The following DIDO1 variants were observed in gnomAD, a reference collection of about 807,000 sequenced individuals.
The protein encoded by DIDO1 is death-inducer obliterator 1.
Under a neutral mutation model 99.4 loss-of-function variants are expected in DIDO1, and 16 were observed. The ratio of observed to expected loss-of-function variants is 0.16; its 90% CI spans 0.11 to 0.24. DIDO1 has a LOEUF of 0.24. Ranked by LOEUF, DIDO1 falls within the 10% of genes least tolerant of loss-of-function variation. The probability of loss-of-function intolerance (pLI) is 1.00; values close to 1 mark genes in which losing one functional copy is unlikely to be tolerated. For synonymous variants in DIDO1, 1,366 were observed against 1,239.1 expected, an observed-to-expected ratio of 1.10 and a Z score of -2.15; for missense variants, 2,996 against 3,014.0, an observed-to-expected ratio of 0.99 and a Z score of 0.14.
At chr20:62,925,880 G>A (rs2065242550) in intron 1 of DIDO1, among the ~76,000 whole-genome samples, 1 of 152,216 alleles carries the variant, frequency 6.6e-6, no homozygotes, top group Non-Finnish European at 1.5e-5. Flanking sequence ...TCAGAAAAGC[G>A]AATCCGGGCT....
In DIDO1 at chr20:62,881,895, A is replaced by G; in HGVS notation, c.4061T>C (p.Val1354Ala). 1 of 1,613,380 alleles carries G rather than the reference A, an allele frequency of 6.2e-7. No individual in the cohort carries two copies. The highest frequency in any genetic ancestry group is 8.5e-7 in the Non-Finnish European group (1 of 1,180,022). ...CGGATCTAACAACGGAGGTGCCGGC[A>G]CCCCGTCCTCTGCTGTGGTTTTGGG... Reference protein sequence around the residue: ...QEPKTTAEDGVPAPPLLDPIV... With the variant: ...QEPKTTAEDGAPAPPLLDPIV... The change falls in exon 16 of 16, where the codon GTG becomes GCG. Residue 1354 changes from valine to alanine, a missense_variant. By Grantham distance (64) the Val-to-Ala change is moderately conservative (BLOSUM62 0). Around this residue, in one of 5 missense-constraint regions of DIDO1, gnomAD observed 1,562 missense variants for 1,412.6 expected, o/e 1.11. Transcript: ENST00000395343. This position sits in a 1 kb window ranked among gnomAD's most constrained non-coding sequence, Gnocchi z 8.3.
exon 1 of DIDO1, chr20:62,937,796 C>T (rs537715263): frequency 2.6e-4 from 103 of 398,384 alleles, no homozygotes; most frequent in African/African-American, 2.1e-3. Flanking sequence ...AAGCTGGGAC[C>T]TTCGCCTCCG....
At chr20:62,899,436 G>GT (rs1196869032) in intron 6 of DIDO1, among the ~76,000 whole-genome samples, 4 of 152,116 alleles carry the variant, frequency 2.6e-5, no homozygotes, top group East Asian at 2.0e-4. Flanking sequence ...TCTCCAGATC[G>GT]TAAGTGTTGG....
chr20:62,903,334 T>G (rs2064726169), intron 6 of DIDO1, among the ~76,000 whole-genome samples: 1 of 151,920 alleles, frequency 6.6e-6, no homozygotes. Flanking sequence ...GACAGGAGGG[T>G]GCCTAGGTGC....
intron 4 of DIDO1, among the ~76,000 whole-genome samples, chr20:62,908,332 C>T (rs2064851936): frequency 6.6e-6 from 1 of 152,146 alleles, no homozygotes; most frequent in Non-Finnish European, 1.5e-5. Flanking sequence ...AAGGGAATCC[C>T]CTGCCAAGCC....
chr20:62,889,220 C>T lies in DIDO1; in HGVS notation c.3541+1740G>A, dbSNP rs184743325. On this transcript the variant is annotated intron_variant, in intron 15 of 15. Transcript: ENST00000395343. ...GAGGTGCTGGGAGACCTGTCCTTTC[C>T]CTCTGCCCCGGGGCTGCACCTGCAC... 212 of 985,568 alleles carry T rather than the reference C, an allele frequency of 2.2e-4. No individual in the cohort carries two copies. The African/African-American group carries it at 3.5e-3, about 16-fold the overall frequency. The allele number at this position is 985,568 out of a possible 1,614,324, so 61.1% of individuals were successfully genotyped here.
At chr20:62,924,655 C>T (rs777810567) in intron 1 of DIDO1, among the ~76,000 whole-genome samples, 3 of 152,192 alleles carry the variant, frequency 2.0e-5, no homozygotes, top group Non-Finnish European at 4.4e-5. Flanking sequence ...ACCCCAGCAC[C>T]CTCCAAGGCC....
chr20:62,924,229 T>C (rs1047255643), intron 1 of DIDO1, among the ~76,000 whole-genome samples: 1 of 152,072 alleles, frequency 6.6e-6, no homozygotes, highest in African/African-American at 2.4e-5. Flanking sequence ...GAAATGTAAG[T>C]GAGAGACTCT....
chr20:62,936,989 G>A (rs2065394747), intron 1 of DIDO1, among the ~76,000 whole-genome samples: 1 of 152,258 alleles, frequency 6.6e-6, no homozygotes. Flanking sequence ...TATACCTGCA[G>A]ATTTAGCTCT....
At position 62,894,785 on chromosome 20, in the gene DIDO1, A is replaced by T; in HGVS notation, c.2436+25T>A. 6.3e-7 allele frequency: 1 copy of T among 1,599,142 alleles called. No individual in the cohort carries two copies. Among genetic ancestry groups the T allele is most frequent in the Non-Finnish European group, 8.5e-7 (1 of 1,174,062 alleles). The stretch of plus-strand genomic sequence containing the variant: ...GGGATGGATTAGTCTATTCTCGGTG[A>T]ACACAAAATCTCCCAAATGCTTACC... On this transcript the variant is annotated intron_variant, in intron 10 of 15. Coordinates refer to ENST00000395343, the MANE Select transcript of DIDO1 (RefSeq NM_001193369.2). The surrounding 1 kb of genome is among the most constrained non-coding windows in gnomAD (Gnocchi z 4.4).
intron 1 of DIDO1, among the ~76,000 whole-genome samples, chr20:62,936,812 C>T (rs1326424195): frequency 6.6e-6 from 1 of 152,196 alleles, no homozygotes; most frequent in Non-Finnish European, 1.5e-5. Context: ...TGCAGTGAGC[C>T]GAGATGGCGC....
chr20:62,890,380 T>A (rs1397103730), intron 15 of DIDO1: 1 of 986,964 alleles, frequency 1.0e-6, no homozygotes, highest in African/African-American at 1.7e-5. Flanking sequence ...TTTAGGCTAT[T>A]TGTAAATAAT....
intron 1 of DIDO1, among the ~76,000 whole-genome samples, chr20:62,918,907 A>G (rs1358417889): frequency 6.6e-6 from 1 of 152,168 alleles, no homozygotes; most frequent in Non-Finnish European, 1.5e-5. Flanking sequence ...AGATTACCCA[A>G]TGAAAGACTC....
intron 1 of DIDO1, among the ~76,000 whole-genome samples, chr20:62,917,271 T>C (rs1051781051): frequency 3.3e-5 from 5 of 152,116 alleles, no homozygotes; most frequent in Non-Finnish European, 7.4e-5. Context: ...GATCAAGTGA[T>C]CTACCCACCT....
Position 62,905,979 on chromosome 20 carries a change from T to C in DIDO1, c.1496A>G (p.Glu499Gly). Residue 499 changes from glutamate to glycine, a missense_variant, in exon 6 of 16, where the codon GAG becomes GGG. By Grantham distance (98) the Glu-to-Gly change is moderately conservative. Transcript: ENST00000395343. Reference sequence around the variant, plus strand: ...GCTCGCCCACGACGGCGTGCTGCTCTCACAAGCTGCTTCCTTCCCGAGTGC... The same window carrying C: ...GCTCGCCCACGACGGCGTGCTGCTCCCACAAGCTGCTTCCTTCCCGAGTGC... ...SEALGKEAAC[E>G]SSTPSWASDH... 6.2e-7 allele frequency: 1 copy of C among 1,614,086 alleles called. No individual in the cohort carries two copies. The highest frequency in any genetic ancestry group is 1.1e-5 in the South Asian group (1 of 91,076).
chr20:62,894,768 T>C lies in DIDO1; in HGVS notation c.2436+42A>G, dbSNP rs2064479474. 6.4e-7 allele frequency: 1 copy of C among 1,573,848 alleles called. No homozygotes were observed. Among genetic ancestry groups the C allele is most frequent in the African/African-American group, 1.4e-5 (1 of 73,094 alleles). On this transcript the variant is annotated intron_variant, in intron 10 of 15. Coordinates refer to ENST00000395343, the MANE Select transcript of DIDO1 (RefSeq NM_001193369.2). The surrounding 1 kb of genome is among the most constrained non-coding windows in gnomAD (Gnocchi z 4.4). The stretch of plus-strand genomic sequence containing the variant: ...ATAACCTCAAAACATTTGGGATGGA[T>C]TAGTCTATTCTCGGTGAACACAAAA...
At position 62,907,172 on chromosome 20, in the gene DIDO1, G is replaced by A; in HGVS notation, c.1349C>T (p.Pro450Leu). The stretch of plus-strand genomic sequence containing the variant: ...CTGAGCACCGCATTTCGGAAGACTG[G>A]GCTTCTCTGGCTTCATCTTCATCTT... ...KEKMKMKPEK[P>L]SLPKCGAQAG... The change falls in exon 5 of 16, where the codon CCC becomes CTC. Residue 450 changes from proline to leucine, a missense_variant. Pro to Leu is a moderately conservative substitution (Grantham distance 98). Transcript: ENST00000395343. The A allele has an allele frequency of 6.2e-7, 1 of 1,614,222 alleles. No homozygotes were observed. The highest frequency in any genetic ancestry group is 8.5e-7 in the Non-Finnish European group (1 of 1,180,044).
chr20:62,918,805 T>C (rs1568881523), intron 1 of DIDO1, among the ~76,000 whole-genome samples: 1 of 148,940 alleles, frequency 6.7e-6, no homozygotes, highest in Non-Finnish European at 1.5e-5. Context: ...CTATTAAGGG[T>C]CTCCTGGCTC....
chr20:62,886,401 G>T (rs1467530842), intron 15 of DIDO1, among the ~76,000 whole-genome samples: 1 of 152,216 alleles, frequency 6.6e-6, no homozygotes, highest in Non-Finnish European at 1.5e-5. Context: ...TGACGGAGGG[G>T]TCTGGACTCA....
Sources: allele counts gnomAD v4.1 joint callset (sites outside exome capture counted in the v4.1 genomes callset), GRCh38; gene constraint gnomAD v4.1.1; regional missense constraint gnomAD v4.1.1; non-coding constraint Gnocchi (gnomAD v3.1); transcripts MANE v1.5; gene names NCBI Gene and HGNC (gene_info 2026-07-23, HGNC 2026-07-21).